Variants in TRAT1 observed in about 807,000 individuals in gnomAD.
The protein encoded by TRAT1 is T-cell receptor-associated transmembrane adapter 1.
In TRAT1, 20 loss-of-function variants were observed where a neutral mutation model predicts 20.0. That is an observed-to-expected ratio of 1.00 (90% CI 0.70 to 1.45). The LOEUF (loss-of-function observed/expected upper bound fraction) is 1.45, where lower values mean the gene tolerates loss of function less well. Ranked by LOEUF, TRAT1 falls within the 40% of genes most tolerant of loss-of-function variation. The probability of loss-of-function intolerance (pLI) is 0.00; values close to 1 mark genes in which losing one functional copy is unlikely to be tolerated. For synonymous variants in TRAT1, 77 were observed against 74.2 expected, an observed-to-expected ratio of 1.04 and a Z score of -0.20; for missense variants, 237 against 224.1, an observed-to-expected ratio of 1.06 and a Z score of -0.37.
chr3:108,843,062 C>T (rs541463618), intron 3 of TRAT1, among the ~76,000 whole-genome samples: 1 of 152,358 alleles, frequency 6.6e-6, no homozygotes, highest in East Asian at 1.9e-4. Flanking sequence ...CATCTACACT[C>T]ATACCACAGC....
intron 2 of TRAT1, among the ~76,000 whole-genome samples, chr3:108,838,405 G>A (rs1444877054): frequency 2.0e-5 from 3 of 150,328 alleles, no homozygotes; most frequent in Non-Finnish European, 4.5e-5. Flanking sequence ...TAGATAGATA[G>A]AGATTGATAA....
chr3:108,844,868 AAG>A (rs1559824243), intron 3 of TRAT1, among the ~76,000 whole-genome samples: 2 of 137,864 alleles, frequency 1.5e-5, no homozygotes, highest in Admixed American at 7.2e-5. Context: ...AAAAAAAAAA[AAG>A]AAATACGTGT....
At chr3:108,840,709 C>T (rs1048956086) in intron 3 of TRAT1, among the ~76,000 whole-genome samples, 2 of 152,152 alleles carry the variant, frequency 1.3e-5, no homozygotes, top group African/African-American at 4.8e-5. Flanking sequence ...GGAGTCTGAG[C>T]GCTTCAGCCC....
At chr3:108,831,298 G>GAGT (rs1440413069) in intron 2 of TRAT1, among the ~76,000 whole-genome samples, 2 of 152,324 alleles carry the variant, frequency 1.3e-5, no homozygotes, top group African/African-American at 4.8e-5. Context: ...GAGAGGTCAA[G>GAGT]AGTATCTGCC....
intron 1 of TRAT1, among the ~76,000 whole-genome samples, chr3:108,823,472 T>C (rs1019453479): frequency 6.6e-6 from 1 of 152,238 alleles, no homozygotes; most frequent in Non-Finnish European, 1.5e-5. Flanking sequence ...CTCACTGTTA[T>C]GAATCCATGT....
Position 108,822,799 on chromosome 3 carries a change from A to G in TRAT1, c.-129A>G, listed in dbSNP as rs765944564. 1.0e-4 allele frequency: 67 copies of G among 666,794 alleles called. No individual in the cohort carries two copies. The highest frequency in any genetic ancestry group is 1.6e-4 in the Non-Finnish European group (62 of 385,000). 41.3% of individuals were successfully genotyped at this position (666,794 alleles called of 1,614,324 possible). A position where few individuals can be genotyped will look rare whatever the true frequency, so the allele number is the denominator to read the frequency against. On this transcript the variant is annotated 5_prime_UTR_variant, in exon 1 of 6. Transcript: ENST00000295756. ...AAAAGAATCCGAGGCACAGATAAAG[A>G]TAAGTTTTACTGTCATGCTGCTTTT...
At chr3:108,836,234 T>G (rs1344439114) in intron 2 of TRAT1, among the ~76,000 whole-genome samples, 5 of 152,114 alleles carry the variant, frequency 3.3e-5, no homozygotes, top group Admixed American at 6.5e-5. Flanking sequence ...AGTTTTTATG[T>G]GTTACACTAG....
At chr3:108,835,820 G>A (rs570725648) in intron 2 of TRAT1, among the ~76,000 whole-genome samples, 1 of 151,788 alleles carries the variant, frequency 6.6e-6, no homozygotes, top group East Asian at 1.9e-4. Context: ...CACAGTTTTT[G>A]TCTTTTTTTT....
rs199672510 is a variant in TRAT1 at position 108,847,097 on chromosome 3, C to T, written c.182C>T (p.Pro61Leu). The T allele has an allele frequency of 2.6e-6, 4 of 1,541,896 alleles. No homozygotes were observed. Among genetic ancestry groups the T allele is most frequent in the Middle Eastern group, 1.7e-4 (1 of 5,922 alleles). The change falls in exon 4 of 6, where the codon CCA becomes CTA. Residue 61 changes from proline to leucine, a missense_variant. Physicochemically the swap from Pro to Leu is moderately conservative, Grantham distance 98. Coordinates refer to ENST00000295756, the MANE Select transcript of TRAT1 (RefSeq NM_016388.4). ...GATGAGTATTATATTGAAGACACAC[C>T]AATTTATGGTAACTTAGATGATATG... ...RVDEYYIEDT[P>L]IYGNLDDMIS... is the part of the protein sequence containing the mutation.
intron 3 of TRAT1, among the ~76,000 whole-genome samples, chr3:108,841,600 C>T (rs1000974007): frequency 1.4e-4 from 21 of 152,102 alleles, no homozygotes; most frequent in Non-Finnish European, 5.9e-5. Flanking sequence ...TTCTCTGTTG[C>T]ACTCTCTCCC....
chr3:108,844,843 CAAAAAAAAAAAAAA>C (rs71103495), intron 3 of TRAT1, among the ~76,000 whole-genome samples: 2 of 47,842 alleles, frequency 4.2e-5, no homozygotes, highest in Admixed American at 2.8e-4. Flanking sequence ...GACTCTGTCT[CAAAAAAAAAAAAAA>C]AAAAAAAAAA....
chr3:108,848,774 T>C (rs1945969904), intron 4 of TRAT1, among the ~76,000 whole-genome samples: 1 of 152,258 alleles, frequency 6.6e-6, no homozygotes, highest in Non-Finnish European at 1.5e-5. Flanking sequence ...CTGATGTATG[T>C]GCACTGTGCT....
At chr3:108,836,906 A>T (rs1219943963) in intron 2 of TRAT1, among the ~76,000 whole-genome samples, 1 of 152,176 alleles carries the variant, frequency 6.6e-6, no homozygotes, top group Non-Finnish European at 1.5e-5. Flanking sequence ...CTAAATTCTT[A>T]TGCATCTACT....
chr3:108,852,180 A>C (rs1946003749), intron 5 of TRAT1, among the ~76,000 whole-genome samples: 1 of 152,216 alleles, frequency 6.6e-6, no homozygotes, highest in Middle Eastern at 3.2e-3. Flanking sequence ...CAAGTGTTCA[A>C]GACCAGCCTG....
At chr3:108,831,040 A>G (rs535390504) in intron 2 of TRAT1, among the ~76,000 whole-genome samples, 1 of 152,332 alleles carries the variant, frequency 6.6e-6, no homozygotes, top group African/African-American at 2.4e-5. Context: ...CCTGGTAAAT[A>G]CGTTTTTCCT....
intron 3 of TRAT1, among the ~76,000 whole-genome samples, 164 bp from the exon 4 acceptor site, chr3:108,846,904 A>G (rs1945951855): frequency 6.6e-6 from 1 of 152,216 alleles, no homozygotes; most frequent in Non-Finnish European, 1.5e-5. Context: ...ACACACATGC[A>G]TGCACGTGTT....
rs547850256 is a variant in TRAT1 at position 108,830,935 on chromosome 3, G to C, written c.118+155G>C. Among the ~76,000 whole-genome samples, 22 of 152,226 alleles carry C rather than the reference G, an allele frequency of 1.4e-4. No homozygotes were observed. The South Asian group carries it at 3.3e-3, about 23-fold the overall frequency. On this transcript the variant is annotated intron_variant, in intron 2 of 5. Transcript: ENST00000295756. Reference sequence around the variant, plus strand: ...ATTTGCTAATTTTTCTCGCCCAAAGGGTTCTCTTATTTAAGAATGCAATCA... The same window carrying C: ...ATTTGCTAATTTTTCTCGCCCAAAGCGTTCTCTTATTTAAGAATGCAATCA...
intron 1 of TRAT1, among the ~76,000 whole-genome samples, chr3:108,826,200 C>G (rs1945737373): frequency 8.5e-6 from 1 of 117,082 alleles, no homozygotes; most frequent in African/African-American, 3.2e-5. Context: ...GATATGAAAT[C>G]CAGTTTTACA....
chr3:108,853,489 G>A lies in TRAT1; in HGVS notation c.304-131G>A. 4 of 1,065,368 alleles carry A rather than the reference G, an allele frequency of 3.8e-6. No homozygotes were observed. The South Asian group carries it at 4.9e-5, about 13-fold the overall frequency. The allele number at this position is 1,065,368 out of a possible 1,614,324, so 66.0% of individuals were successfully genotyped here. A position where few individuals can be genotyped will look rare whatever the true frequency, so the allele number is the denominator to read the frequency against. On this transcript the variant is annotated intron_variant, in intron 5 of 5. Coordinates refer to ENST00000295756, the MANE Select transcript of TRAT1 (RefSeq NM_016388.4). ...GTTTTTTGTTTTTGTTTTTTGTACT[G>A]ACAAATTTGGCAAAACAAGGTAGGT... is the stretch of plus-strand genomic sequence containing the variant.
Sources: allele counts gnomAD v4.1 joint callset (sites outside exome capture counted in the v4.1 genomes callset), GRCh38; gene constraint gnomAD v4.1.1; transcripts MANE v1.5; gene names NCBI Gene and HGNC (gene_info 2026-07-23, HGNC 2026-07-21).